WDR70: variants seen among roughly 807,000 people sequenced by gnomAD.
The protein encoded by WDR70 is WD repeat domain 70, also known as WD repeat-containing protein 70.
WDR70 carries 53 observed loss-of-function variants against 88.6 expected under a neutral mutation model. That is an observed-to-expected ratio of 0.60 (90% CI 0.48 to 0.75). The LOEUF is 0.75. Among genes scored for constraint, WDR70 ranks in the 30% least tolerant of loss-of-function variants. WDR70 has a pLI of 0.00. For missense variants in WDR70, 610 were observed against 823.2 expected, an observed-to-expected ratio of 0.74 and a Z score of 3.17; for synonymous variants, 280 against 270.0, an observed-to-expected ratio of 1.04 and a Z score of -0.36.
chr5:37,626,972 T>C (rs1744682261), intron 10 of WDR70, among the ~76,000 whole-genome samples: 1 of 152,202 alleles, frequency 6.6e-6, no homozygotes, highest in Admixed American at 6.5e-5. Flanking sequence ...ACATATCCTC[T>C]TCCGTTTATG....
At chr5:37,421,346 T>G (rs886667459) in intron 5 of WDR70, among the ~76,000 whole-genome samples, 7 of 152,246 alleles carry the variant, frequency 4.6e-5, no homozygotes, top group African/African-American at 1.7e-4. Flanking sequence ...CATTCCAGAA[T>G]ACTTTTTCTT....
chr5:37,517,568 T>C (rs1370426933), intron 9 of WDR70, among the ~76,000 whole-genome samples: 1 of 152,086 alleles, frequency 6.6e-6, no homozygotes, highest in East Asian at 1.9e-4. Context: ...GGTTTCACCA[T>C]GTTGGCCAGG....
At chr5:37,540,730 C>T (rs1330798993) in intron 9 of WDR70, among the ~76,000 whole-genome samples, 1 of 152,178 alleles carries the variant, frequency 6.6e-6, no homozygotes, top group Non-Finnish European at 1.5e-5. Flanking sequence ...ACTTATTTCC[C>T]ATAATTTTAA....
At chr5:37,416,085 C>T (rs1255095730) in intron 5 of WDR70, among the ~76,000 whole-genome samples, 15 of 151,876 alleles carry the variant, frequency 9.9e-5, no homozygotes, top group Non-Finnish European at 1.3e-4. Context: ...CAGGCAGAGA[C>T]GCTCCTCACT....
At chr5:37,670,401 A>G (rs1745991866) in intron 10 of WDR70, among the ~76,000 whole-genome samples, 1 of 152,168 alleles carries the variant, frequency 6.6e-6, no homozygotes, top group Non-Finnish European at 1.5e-5. Context: ...GAGAGGCTAC[A>G]TTTCTCATAA....
At chr5:37,645,180 A>C (rs1270213509) in intron 10 of WDR70, among the ~76,000 whole-genome samples, 1 of 140,490 alleles carries the variant, frequency 7.1e-6, no homozygotes, top group Non-Finnish European at 1.6e-5. Flanking sequence ...TATTTCTGGT[A>C]CCATTTTTTT....
At chr5:37,391,450 A>G (rs1748817047) in intron 3 of WDR70, among the ~76,000 whole-genome samples, 1 of 152,078 alleles carries the variant, frequency 6.6e-6, no homozygotes, top group South Asian at 2.1e-4. Flanking sequence ...CCACCATTCT[A>G]CTTTTTGTCT....
At chr5:37,678,064 T>G (rs1425276924) in intron 10 of WDR70, among the ~76,000 whole-genome samples, 2 of 152,182 alleles carry the variant, frequency 1.3e-5, no homozygotes, top group African/African-American at 2.4e-5. Context: ...CCCTGCCTTT[T>G]TTTGTTTTCC....
intron 14 of WDR70, chr5:37,722,607 T>A: frequency 2.1e-6 from 1 of 478,952 alleles, no homozygotes; most frequent in Middle Eastern, 5.7e-4. Flanking sequence ...TAAACTTGTG[T>A]CCTGTTGCCC....
At chr5:37,749,071 C>G (rs902128030) in intron 17 of WDR70, among the ~76,000 whole-genome samples, 2 of 152,182 alleles carry the variant, frequency 1.3e-5, no homozygotes, top group East Asian at 3.9e-4. Context: ...GATCTAGAAC[C>G]AGAAATACCA....
chr5:37,663,746 T>G (rs1745764082), intron 10 of WDR70, among the ~76,000 whole-genome samples: 1 of 152,154 alleles, frequency 6.6e-6, no homozygotes. Flanking sequence ...TCTCTCAGCC[T>G]CCTTCCCTGC....
chr5:37,691,852 G>A (rs1037295802), intron 10 of WDR70, among the ~76,000 whole-genome samples: 8 of 152,066 alleles, frequency 5.3e-5, no homozygotes, highest in South Asian at 4.2e-4. Context: ...AAATAACTAA[G>A]ATCAGAGCAG....
chr5:37,435,456 T>G (rs1750439195), intron 5 of WDR70, among the ~76,000 whole-genome samples: 1 of 152,234 alleles, frequency 6.6e-6, no homozygotes, highest in Non-Finnish European at 1.5e-5. Flanking sequence ...AATTTGACCT[T>G]TAAATTGTTT....
At position 37,396,187 on chromosome 5, in the gene WDR70, T is replaced by TTC. The variant is rs143469000; in HGVS notation, c.297-187_297-186insCT. On this transcript the variant is annotated intron_variant, in intron 4 of 17. Coordinates refer to ENST00000265107, the MANE Select transcript of WDR70 (RefSeq NM_018034.4). The stretch of plus-strand genomic sequence containing the variant: ...TTTATTTTTGACTGCGTAAGACGGT[T>TTC]TTTTTTAACTTTCTTAAGATAAAAT... Among the ~76,000 whole-genome samples the TTC allele has an allele frequency of 1.3e-3, 194 of 151,896 alleles. 1 individual carries two copies. The highest frequency in any genetic ancestry group is 4.6e-3 in the African/African-American group (189 of 41,426).
At chr5:37,746,904 C>T (rs1251312823) in intron 17 of WDR70, among the ~76,000 whole-genome samples, 1 of 152,118 alleles carries the variant, frequency 6.6e-6, no homozygotes, top group Non-Finnish European at 1.5e-5. Flanking sequence ...GGGACTCCTC[C>T]CTAACTCATT....
In WDR70 at chr5:37,422,742, A is replaced by T. The variant is rs185811502; in HGVS notation, c.493-15180A>T. Among the ~76,000 whole-genome samples the T allele has an allele frequency of 2.0e-4, 30 of 152,064 alleles. No individual in the cohort carries two copies. The East Asian group carries it at 5.2e-3, about 26-fold the overall frequency. ...ATCCGCCTGCCTCCTCAGCCTCTCA[A>T]AGTGTTGGGATTATCGGTGTAAGCC... On this transcript the variant is annotated intron_variant, in intron 5 of 17. Coordinates refer to ENST00000265107, the MANE Select transcript of WDR70 (RefSeq NM_018034.4).
chr5:37,381,059 G>A (rs1307030381), intron 2 of WDR70, among the ~76,000 whole-genome samples: 1 of 152,220 alleles, frequency 6.6e-6, no homozygotes, highest in Non-Finnish European at 1.5e-5. Context: ...GGGAGGAGGA[G>A]AATGTTTCCA....
chr5:37,484,438 G>A (rs1278801820), intron 8 of WDR70, among the ~76,000 whole-genome samples: 3 of 152,128 alleles, frequency 2.0e-5, no homozygotes, highest in East Asian at 1.9e-4. Flanking sequence ...GCCTGCAATC[G>A]CAGGCACTCG....
intron 7 of WDR70, among the ~76,000 whole-genome samples, chr5:37,443,836 G>A (rs1391373269): frequency 1.3e-5 from 2 of 151,736 alleles, no homozygotes; most frequent in Admixed American, 6.6e-5. Flanking sequence ...CAGCAACAGA[G>A]AGAGACTCCA....
Sources: gnomAD v4.1 joint callset for allele counts (sites outside exome capture counted in the v4.1 genomes callset) on GRCh38, gnomAD v4.1.1 for gene constraint, MANE v1.5 for transcripts, NCBI Gene and HGNC (gene_info 2026-07-23, HGNC 2026-07-21) for gene names.